The following XRCC4 variants were observed in gnomAD, a reference collection of about 807,000 sequenced individuals.
XRCC4 encodes DNA repair protein XRCC4.
XRCC4 carries 28 observed loss-of-function variants against 39.1 expected under a neutral mutation model. The ratio of observed to expected loss-of-function variants is 0.72; its 90% CI spans 0.53 to 0.98. The LOEUF (loss-of-function observed/expected upper bound fraction) is 0.98. Ranked by LOEUF, XRCC4 falls within the 50% of genes least tolerant of loss-of-function variation. XRCC4 has a pLI of 0.00. For synonymous variants in XRCC4, 123 were observed against 126.4 expected, an observed-to-expected ratio of 0.97 and a Z score of 0.18; for missense variants, 350 against 376.4, an observed-to-expected ratio of 0.93 and a Z score of 0.58.
At chr5:83,129,216 C>T (rs1246215359) in intron 3 of XRCC4, among the ~76,000 whole-genome samples, 8 of 143,300 alleles carry the variant, frequency 5.6e-5, no homozygotes, top group Middle Eastern at 3.2e-3. Context: ...TTCCCAGCAC[C>T]ATTTATTAAA....
intron 3 of XRCC4, among the ~76,000 whole-genome samples, chr5:83,163,183 G>C (rs1374079844): frequency 2.0e-5 from 3 of 152,044 alleles, no homozygotes; most frequent in Non-Finnish European, 4.4e-5. Context: ...CTGACCTCAA[G>C]TGAGCCGCCT....
intron 7 of XRCC4, among the ~76,000 whole-genome samples, chr5:83,313,799 C>G (rs939119138): frequency 2.0e-5 from 3 of 152,086 alleles, no homozygotes; most frequent in Non-Finnish European, 2.9e-5. Flanking sequence ...AATATTGTAA[C>G]CCCATCCCAC....
At chr5:83,341,244 C>T (rs1756748774) in intron 7 of XRCC4, among the ~76,000 whole-genome samples, 1 of 151,860 alleles carries the variant, frequency 6.6e-6, no homozygotes, top group African/African-American at 2.4e-5. Flanking sequence ...GCAAAAGTAT[C>T]CCTCTCAGCT....
intron 3 of XRCC4, among the ~76,000 whole-genome samples, chr5:83,148,921 TG>T (rs1748583552): frequency 6.6e-6 from 1 of 152,172 alleles, no homozygotes; most frequent in Non-Finnish European, 1.5e-5. Flanking sequence ...ATACATTTTT[TG>T]TAACAGTGTT....
At chr5:83,100,684 A>G (rs548708180) in intron 1 of XRCC4, among the ~76,000 whole-genome samples, 2 of 152,144 alleles carry the variant, frequency 1.3e-5, no homozygotes, top group Non-Finnish European at 2.9e-5. Context: ...AAAAAATGCT[A>G]TGCCACAAGT....
At chr5:83,104,074 A>T (rs1340724948) in intron 1 of XRCC4, among the ~76,000 whole-genome samples, 1 of 152,208 alleles carries the variant, frequency 6.6e-6, no homozygotes, top group Non-Finnish European at 1.5e-5. Context: ...AAACTTAAAG[A>T]ATGCAGAAAC....
intron 3 of XRCC4, among the ~76,000 whole-genome samples, chr5:83,157,289 C>T (rs1580305988): frequency 6.6e-6 from 1 of 152,090 alleles, no homozygotes; most frequent in South Asian, 2.1e-4. Flanking sequence ...ATCCTTCCCA[C>T]TCTATCCTGA....
intron 4 of XRCC4, among the ~76,000 whole-genome samples, chr5:83,197,766 G>A (rs1230874265): frequency 6.6e-6 from 1 of 152,082 alleles, no homozygotes; most frequent in Non-Finnish European, 1.5e-5. Flanking sequence ...TTTTTTGATA[G>A]TACTGTGTCA....
intron 3 of XRCC4, among the ~76,000 whole-genome samples, chr5:83,164,079 G>A (rs1428989562): frequency 6.6e-6 from 1 of 152,046 alleles, no homozygotes; most frequent in Non-Finnish European, 1.5e-5. Context: ...AAAACCTATT[G>A]GATGTTAACT....
At chr5:83,083,314 G>C (rs1309209289) in intron 1 of XRCC4, among the ~76,000 whole-genome samples, 6 of 151,586 alleles carry the variant, frequency 4.0e-5, no homozygotes, top group Admixed American at 6.6e-5. Context: ...CTGAGGCATA[G>C]AAGTACTCAG....
At chr5:83,141,048 A>G (rs1748146684) in intron 3 of XRCC4, among the ~76,000 whole-genome samples, 1 of 152,220 alleles carries the variant, frequency 6.6e-6, no homozygotes, top group South Asian at 2.1e-4. Context: ...TCTTAAATGA[A>G]GGGTAGTACG....
intron 1 of XRCC4, among the ~76,000 whole-genome samples, chr5:83,097,020 T>C (rs745909594): frequency 1.3e-5 from 2 of 152,194 alleles, no homozygotes; most frequent in East Asian, 3.9e-4. Flanking sequence ...GTATAAATTT[T>C]AGTCCATTTT....
the XRCC4 span, among the ~76,000 whole-genome samples, chr5:83,374,020 C>G: frequency 1.3e-5 from 2 of 152,250 alleles, no homozygotes; most frequent in East Asian, 3.9e-4. Context: ...TGCCCTATCA[C>G]AAAGCAAATA....
At chr5:83,252,584 T>A (rs1354019094) in intron 6 of XRCC4, among the ~76,000 whole-genome samples, 1 of 149,708 alleles carries the variant, frequency 6.7e-6, no homozygotes, top group Non-Finnish European at 1.5e-5. Flanking sequence ...TTTCTGATAC[T>A]TTTTTATTTA....
At chr5:83,194,509 C>G (rs1326431246) in intron 3 of XRCC4, among the ~76,000 whole-genome samples, 2 of 151,996 alleles carry the variant, frequency 1.3e-5, no homozygotes, top group African/African-American at 2.4e-5. Flanking sequence ...AGATTTGTCT[C>G]AAAATTATCA....
intron 7 of XRCC4, among the ~76,000 whole-genome samples, chr5:83,322,355 A>G (rs143330134): frequency 9.2e-5 from 14 of 152,150 alleles, no homozygotes; most frequent in African/African-American, 2.4e-4. Context: ...AAAGACCTCA[A>G]TGAAATTATT....
chr5:83,189,291 T>G (rs1411447468), intron 3 of XRCC4, among the ~76,000 whole-genome samples: 1 of 152,200 alleles, frequency 6.6e-6, no homozygotes, highest in Non-Finnish European at 1.5e-5. Context: ...TTTTTCTTTT[T>G]TTTTGCTCTC....
chr5:83,172,088 T>C (rs1415659329), intron 3 of XRCC4, among the ~76,000 whole-genome samples: 1 of 152,168 alleles, frequency 6.6e-6, no homozygotes, highest in African/African-American at 2.4e-5. Context: ...AGTAGTACTA[T>C]GATGGTACAG....
At chr5:83,285,858 C>T (rs886274718) in intron 7 of XRCC4, among the ~76,000 whole-genome samples, 1 of 152,092 alleles carries the variant, frequency 6.6e-6, no homozygotes, top group African/African-American at 2.4e-5. Context: ...TCATGATTCC[C>T]TCCACTGTCA....
Sources: allele counts gnomAD v4.1 joint callset (sites outside exome capture counted in the v4.1 genomes callset), GRCh38; gene constraint gnomAD v4.1.1; transcripts MANE v1.5; gene names NCBI Gene and HGNC (gene_info 2026-07-23, HGNC 2026-07-21).